The following HS3ST2 variants were observed in gnomAD, a reference collection of about 807,000 sequenced individuals.
The protein encoded by HS3ST2 is heparan sulfate-glucosamine 3-sulfotransferase 2.
A neutral mutation model predicts 26.3 loss-of-function variants in HS3ST2; 17 were observed. The ratio of observed to expected loss-of-function variants is 0.65; its 90% CI spans 0.44 to 0.97. The LOEUF is 0.97. Ranked by LOEUF, HS3ST2 falls within the 50% of genes least tolerant of loss-of-function variation. The probability of loss-of-function intolerance (pLI) is 0.00; values close to 1 mark genes in which losing one functional copy is unlikely to be tolerated. For missense variants in HS3ST2, 402 were observed against 501.2 expected (o/e 0.80, Z 1.89); for synonymous variants, 237 against 219.2 (o/e 1.08, Z -0.72).
chr16:22,823,980 A>G (rs925817638), intron 1 of HS3ST2, among the ~76,000 whole-genome samples: 6 of 152,342 alleles, frequency 3.9e-5, no homozygotes, highest in African/African-American at 1.2e-4. Flanking sequence ...CAGGGTTACA[A>G]TGGATTTCTT....
intron 1 of HS3ST2, among the ~76,000 whole-genome samples, chr16:22,910,049 A>AAAAG (rs1441235175): frequency 1.3e-5 from 2 of 151,668 alleles, no homozygotes; most frequent in East Asian, 1.9e-4. Flanking sequence ...AAAAAAAAAA[A>AAAAG]AAAAAGAAAG....
In HS3ST2 at chr16:22,876,194, AT is replaced by A. The variant is rs534403997; in HGVS notation, c.486-38749del. On this transcript the variant is annotated intron_variant, in intron 1 of 1. Transcript: ENST00000261374. ...ATCAAAATGTCAGCTATAGCAAACT[AT>A]GCATCCGACAAAGGACTAGTAACCA... is the stretch of plus-strand genomic sequence containing the variant. Among the ~76,000 whole-genome samples, 898 of 152,332 alleles carry A rather than the reference AT, an allele frequency of 5.9e-3. 10 individuals are homozygous for A. Among genetic ancestry groups the A allele is most frequent in the African/African-American group, 0.02 (832 of 41,566 alleles).
intron 1 of HS3ST2, among the ~76,000 whole-genome samples, chr16:22,907,359 G>A (rs1257478974): frequency 6.6e-6 from 1 of 152,200 alleles, no homozygotes; most frequent in African/African-American, 2.4e-5. Flanking sequence ...GCTCCAGAAA[G>A]CTTAGGATAC....
chr16:22,860,046 C>A (rs1034389508), intron 1 of HS3ST2, among the ~76,000 whole-genome samples: 1 of 152,180 alleles, frequency 6.6e-6, no homozygotes, highest in Admixed American at 6.5e-5. Context: ...ATTCTCTTTC[C>A]CCAGAAGGCC....
intron 1 of HS3ST2, among the ~76,000 whole-genome samples, chr16:22,907,579 G>C (rs1902372057): frequency 6.6e-6 from 1 of 152,194 alleles, no homozygotes; most frequent in South Asian, 2.1e-4. Flanking sequence ...ATTTGAGGAA[G>C]AGTTAAGAAT....
intron 1 of HS3ST2, among the ~76,000 whole-genome samples, chr16:22,883,744 A>C (rs899368243): frequency 1.3e-5 from 2 of 152,244 alleles, no homozygotes; most frequent in African/African-American, 4.8e-5. Context: ...GATGGAAATT[A>C]AAATATAATT....
chr16:22,886,818 T>A (rs776073878), intron 1 of HS3ST2, among the ~76,000 whole-genome samples: 5 of 151,954 alleles, frequency 3.3e-5, no homozygotes, highest in Non-Finnish European at 5.9e-5. Flanking sequence ...GTGAGAGCAG[T>A]GGTATGATCA....
chr16:22,893,275 A>C (rs1378587286), intron 1 of HS3ST2, among the ~76,000 whole-genome samples: 1 of 152,224 alleles, frequency 6.6e-6, no homozygotes, highest in Admixed American at 6.5e-5. Flanking sequence ...CCTTGATGAT[A>C]TTCTGTGGTA....
chr16:22,898,410 G>T (rs1229892035), intron 1 of HS3ST2, among the ~76,000 whole-genome samples: 1 of 152,200 alleles, frequency 6.6e-6, no homozygotes, highest in African/African-American at 2.4e-5. Context: ...ATTACAGATG[G>T]TGCTTAGAGT....
intron 1 of HS3ST2, among the ~76,000 whole-genome samples, chr16:22,826,610 C>T (rs929013401): frequency 6.6e-6 from 1 of 152,224 alleles, no homozygotes; most frequent in Non-Finnish European, 1.5e-5. Context: ...GACTGTATCC[C>T]TGAAGCTCAG....
chr16:22,890,100 C>T (rs186161466), intron 1 of HS3ST2, among the ~76,000 whole-genome samples: 11 of 152,214 alleles, frequency 7.2e-5, no homozygotes, highest in Admixed American at 2.6e-4. Flanking sequence ...AAAAAAGCTT[C>T]GGATATCTCT....
intron 1 of HS3ST2, among the ~76,000 whole-genome samples, chr16:22,873,486 A>G (rs767250857): frequency 6.6e-6 from 1 of 152,210 alleles, no homozygotes; most frequent in African/African-American, 2.4e-5. Context: ...TAGAAGAGTG[A>G]GAGCAATGGG....
chr16:22,880,761 C>G (rs911026819), intron 1 of HS3ST2, among the ~76,000 whole-genome samples: 16 of 152,220 alleles, frequency 1.1e-4, no homozygotes, highest in Admixed American at 2.0e-4. Flanking sequence ...TCCAAACCTC[C>G]CTAAGATACG....
At chr16:22,863,387 G>C (rs1289387819) in intron 1 of HS3ST2, among the ~76,000 whole-genome samples, 3 of 151,786 alleles carry the variant, frequency 2.0e-5, no homozygotes, top group South Asian at 2.1e-4. Context: ...ACCTGGCCAG[G>C]GCCCTTCTGA....
intron 1 of HS3ST2, among the ~76,000 whole-genome samples, chr16:22,877,600 G>T (rs1486021905): frequency 6.6e-6 from 1 of 152,172 alleles, no homozygotes; most frequent in Non-Finnish European, 1.5e-5. Context: ...TGCTGAGAAG[G>T]GTGCAGGTTT....
chr16:22,814,819 CCCG>C lies in HS3ST2; in HGVS notation c.212_214del (p.Arg71del), dbSNP rs777090949. The C allele has an allele frequency of 6.3e-7, 1 of 1,580,120 alleles. No homozygotes were observed. The highest frequency in any genetic ancestry group is 2.3e-5 in the East Asian group (1 of 43,086). ...GGCGGCCAGAAACTTCTCCAGAAGT[CCCG>C]CCCCTGTGATCCCTCCGGGCCGACG... On this transcript the variant is annotated inframe_deletion, in exon 1 of 2. Transcript: ENST00000261374.
chr16:22,888,936 C>T (rs1009341678), intron 1 of HS3ST2, among the ~76,000 whole-genome samples: 11 of 152,178 alleles, frequency 7.2e-5, no homozygotes, highest in Non-Finnish European at 1.3e-4. Context: ...AGCCCTTTGT[C>T]TTCTTGGCTA....
chr16:22,894,704 G>A lies in HS3ST2; in HGVS notation c.486-20240G>A, dbSNP rs1334309907. The stretch of plus-strand genomic sequence containing the variant: ...ACTTGAGGCCAGATGTTCAAGACCA[G>A]CCTGGGCAACATGGGTGAGACTCCG... On this transcript the variant is annotated intron_variant, in intron 1 of 1. Coordinates refer to ENST00000261374, the MANE Select transcript of HS3ST2 (RefSeq NM_006043.2). Among the ~76,000 whole-genome samples, 5 of 150,152 alleles carry A rather than the reference G, an allele frequency of 3.3e-5. No individual in the cohort carries two copies. The South Asian group carries it at 1.1e-3, about 32-fold the overall frequency.
intron 1 of HS3ST2, among the ~76,000 whole-genome samples, chr16:22,859,813 TGA>T (rs1205329047): frequency 2.6e-5 from 4 of 152,184 alleles, no homozygotes; most frequent in African/African-American, 9.7e-5. Context: ...TTCTGAGGCA[TGA>T]GAGTTACTCT....
Sources: gnomAD v4.1 joint callset for allele counts (sites outside exome capture counted in the v4.1 genomes callset) on GRCh38, gnomAD v4.1.1 for gene constraint, MANE v1.5 for transcripts, NCBI Gene and HGNC (gene_info 2026-07-23, HGNC 2026-07-21) for gene names.